Variants in FNBP1L observed in about 807,000 individuals in gnomAD.
FNBP1L encodes formin binding protein 1 like.
FNBP1L carries 36 observed loss-of-function variants against 91.2 expected under a neutral mutation model. That is an observed-to-expected ratio of 0.39 (90% CI 0.30 to 0.52). The LOEUF is 0.52. FNBP1L is among the 20% of genes least tolerant of loss of function. The probability of loss-of-function intolerance (pLI) is 0.66; values close to 1 mark genes in which losing one functional copy is unlikely to be tolerated. For synonymous variants in FNBP1L, 242 were observed against 237.0 expected, an observed-to-expected ratio of 1.02 and a Z score of -0.19; for missense variants, 571 against 732.1, an observed-to-expected ratio of 0.78 and a Z score of 2.54.
At chr1:93,542,002 CAAA>C (rs558664532) in intron 11 of FNBP1L, among the ~76,000 whole-genome samples, 5 of 149,662 alleles carry the variant, frequency 3.3e-5, no homozygotes, top group East Asian at 1.9e-4. Flanking sequence ...ATTTTGACAA[CAAA>C]AAAAAACTCC....
At chr1:93,478,240 A>G (rs1393209472) in intron 1 of FNBP1L, among the ~76,000 whole-genome samples, 1 of 152,188 alleles carries the variant, frequency 6.6e-6, no homozygotes, top group Non-Finnish European at 1.5e-5. Context: ...GGTCTAGAGC[A>G]GGGTATCAGA....
intron 11 of FNBP1L, 73 bp downstream of exon 11, chr1:93,541,129 A>G: frequency 7.1e-7 from 1 of 1,413,738 alleles, no homozygotes; most frequent in South Asian, 1.3e-5. Flanking sequence ...GTTTAATTCA[A>G]AACAAGTGGT....
At chr1:93,468,557 T>C (rs983577474) in intron 1 of FNBP1L, among the ~76,000 whole-genome samples, 1 of 152,056 alleles carries the variant, frequency 6.6e-6, no homozygotes, top group Non-Finnish European at 1.5e-5. Context: ...CAGCACCCCA[T>C]GTAGCTGGGA....
intron 1 of FNBP1L, among the ~76,000 whole-genome samples, chr1:93,457,673 G>T (rs1357384136): frequency 2.6e-5 from 4 of 151,812 alleles, no homozygotes; most frequent in Non-Finnish European, 4.4e-5. Flanking sequence ...ATTTTATCCA[G>T]ATTTTTTATT....
At chr1:93,510,312 G>A (rs1406323699) in intron 2 of FNBP1L, among the ~76,000 whole-genome samples, 2 of 152,286 alleles carry the variant, frequency 1.3e-5, no homozygotes, top group East Asian at 3.9e-4. Flanking sequence ...TGACCCCCAA[G>A]CAGCCTAACT....
chr1:93,460,048 G>T (rs1351573304), intron 1 of FNBP1L, among the ~76,000 whole-genome samples: 1 of 151,404 alleles, frequency 6.6e-6, no homozygotes, highest in Non-Finnish European at 1.5e-5. Context: ...TCCAAAACCT[G>T]AACTGCTCCA....
intron 2 of FNBP1L, among the ~76,000 whole-genome samples, chr1:93,512,493 C>T (rs1309552777): frequency 3.3e-5 from 5 of 152,024 alleles, no homozygotes; most frequent in Non-Finnish European, 7.4e-5. Context: ...CACACCACAC[C>T]TATTCCAAAA....
At chr1:93,504,342 C>T (rs921698504) in intron 2 of FNBP1L, among the ~76,000 whole-genome samples, 3 of 152,138 alleles carry the variant, frequency 2.0e-5, no homozygotes, top group Non-Finnish European at 4.4e-5. Flanking sequence ...CTAAATATTT[C>T]GGGTAGGCTT....
chr1:93,459,389 C>G (rs1398874659), intron 1 of FNBP1L, among the ~76,000 whole-genome samples: 2 of 146,402 alleles, frequency 1.4e-5, no homozygotes, highest in African/African-American at 2.5e-5. Flanking sequence ...AGCAAGAAAA[C>G]AACTTGATTA....
At position 93,552,781 on chromosome 1, in the gene FNBP1L, T is replaced by G. The variant is rs1353148655; in HGVS notation, c.*365T>G. The G allele has an allele frequency of 1.0e-5, 2 of 193,756 alleles. No individual in the cohort carries two copies. Among genetic ancestry groups the G allele is most frequent in the African/African-American group, 4.6e-5 (2 of 43,106 alleles). 12.0% of individuals were successfully genotyped at this position (193,756 alleles called of 1,614,324 possible). ...GTCTTCCCTCCCAGCTCTGTTTTAA[T>G]TGGCTTTTAGACCCACTATCTGTCA... On this transcript the variant is annotated 3_prime_UTR_variant, in exon 17 of 17. Coordinates refer to ENST00000271234, the MANE Select transcript of FNBP1L (RefSeq NM_001164473.3).
intron 1 of FNBP1L, among the ~76,000 whole-genome samples, chr1:93,497,609 A>G (rs1403106312): frequency 6.6e-6 from 1 of 152,154 alleles, no homozygotes; most frequent in Non-Finnish European, 1.5e-5. Context: ...CTCACTAAAA[A>G]TATTCTTAAT....
intron 1 of FNBP1L, among the ~76,000 whole-genome samples, chr1:93,449,899 A>T (rs949180710): frequency 5.9e-5 from 9 of 152,052 alleles, no homozygotes; most frequent in Non-Finnish European, 1.0e-4. Context: ...AAATTTTTAA[A>T]TTTTTTATTT....
rs769066231 is a variant in FNBP1L at position 93,532,924 on chromosome 1, A to G, written c.642A>G (p.Gln214=). Residue 214 remains glutamine (Q), a splice_region_variant and synonymous_variant, in exon 8 of 17, where the codon CAA becomes CAG. Coordinates refer to ENST00000271234, the MANE Select transcript of FNBP1L (RefSeq NM_001164473.3). ...FYVVIPQIYK[Q]LQEMDERRTI... ...TTAAAAAAATTCTTGATTATTAGCA[A>G]CTACAAGAAATGGACGAACGAAGGA... The G allele has an allele frequency of 1.4e-5, 23 of 1,593,362 alleles. No individual in the cohort carries two copies. The East Asian group carries it at 5.0e-4, about 34-fold the overall frequency.
intron 3 of FNBP1L, among the ~76,000 whole-genome samples, chr1:93,522,398 C>T (rs1671358915): frequency 6.6e-6 from 1 of 152,120 alleles, no homozygotes; most frequent in African/African-American, 2.4e-5. Flanking sequence ...ATGATTTAGT[C>T]TGCAGAAGAA....
intron 1 of FNBP1L, among the ~76,000 whole-genome samples, chr1:93,495,616 G>A (rs1301141933): frequency 6.6e-6 from 1 of 152,194 alleles, no homozygotes; most frequent in East Asian, 1.9e-4. Context: ...GTTTAATACA[G>A]GTTGGCTATT....
intron 11 of FNBP1L, among the ~76,000 whole-genome samples, chr1:93,543,567 G>A (rs1205562820): frequency 6.6e-6 from 1 of 152,124 alleles, no homozygotes; most frequent in East Asian, 1.9e-4. Flanking sequence ...AAGACTATAT[G>A]TAGTGTTAAA....
intron 2 of FNBP1L, among the ~76,000 whole-genome samples, chr1:93,505,534 G>T (rs1333918250): frequency 2.0e-5 from 3 of 152,208 alleles, no homozygotes; most frequent in African/African-American, 7.2e-5. Flanking sequence ...AAATAAGGAA[G>T]AGGAACAGGC....
chr1:93,448,302 G>A lies in FNBP1L; in HGVS notation c.21G>A (p.Leu7=). Residue 7 remains leucine, a synonymous_variant, in exon 1 of 17, where the codon CTG becomes CTA. Transcript: ENST00000271234. The stretch of plus-strand genomic sequence containing the variant: ...CCGCCATGAGCTGGGGCACGGAGCT[G>A]TGGGTGAGTCGGGGAGAGGGGCGCC... The part of the protein sequence containing the change: MSWGTE[L]WDQFDSLDKH... 2 of 1,515,476 alleles carry A rather than the reference G, an allele frequency of 1.3e-6. No individual in the cohort carries two copies. Among genetic ancestry groups the A allele is most frequent in the Admixed American group, 4.3e-5 (2 of 46,946 alleles). The allele number at this position is 1,515,476 out of a possible 1,614,324, so 93.9% of individuals were successfully genotyped here.
intron 2 of FNBP1L, among the ~76,000 whole-genome samples, chr1:93,515,407 A>C (rs2101742957): frequency 6.6e-6 from 1 of 151,960 alleles, no homozygotes; most frequent in Non-Finnish European, 1.5e-5. Context: ...CAGCCATCCC[A>C]TTACTGGGTA....
Sources: gnomAD v4.1 joint callset for allele counts (sites outside exome capture counted in the v4.1 genomes callset) on GRCh38, gnomAD v4.1.1 for gene constraint, MANE v1.5 for transcripts, NCBI Gene and HGNC (gene_info 2026-07-23, HGNC 2026-07-21) for gene names.